C10orf90: variants seen among roughly 807,000 people sequenced by gnomAD.
The protein encoded by C10orf90 is (E2-independent) E3 ubiquitin-conjugating enzyme FATS.
C10orf90 carries 56 observed loss-of-function variants against 62.5 expected under a neutral mutation model. The observed-to-expected ratio is 0.90, with a 90% CI of 0.72 to 1.12. C10orf90 has a LOEUF of 1.12. Ranked by LOEUF, C10orf90 falls within the 50% of genes most tolerant of loss-of-function variation. The pLI, the probability that C10orf90 is intolerant of heterozygous loss-of-function variation, is 0.00. For synonymous variants in C10orf90, 386 were observed against 340.4 expected, an observed-to-expected ratio of 1.13 and a Z score of -1.47; for missense variants, 970 against 880.4, an observed-to-expected ratio of 1.10 and a Z score of -1.29.
At chr10:126,472,744 C>A (rs1252467117) in intron 4 of C10orf90, among the ~76,000 whole-genome samples, 1 of 152,186 alleles carries the variant, frequency 6.6e-6, no homozygotes, top group Non-Finnish European at 1.5e-5. Flanking sequence ...TGACCAAGGT[C>A]CCCACAGAGT....
At chr10:126,543,932 G>A (rs1040344379) in intron 2 of C10orf90, among the ~76,000 whole-genome samples, 3 of 152,132 alleles carry the variant, frequency 2.0e-5, no homozygotes, top group Admixed American at 2.0e-4. Flanking sequence ...CCAGGGTCGC[G>A]GTGACATGTC....
At chr10:126,532,795 C>T (rs951826111) in intron 2 of C10orf90, among the ~76,000 whole-genome samples, 1 of 100,184 alleles carries the variant, frequency 1.0e-5, no homozygotes, top group Admixed American at 1.4e-4. Context: ...CGAGATCGCG[C>T]CACTGCACTC....
chr10:126,659,205 C>T (rs999081209), intron 1 of C10orf90, among the ~76,000 whole-genome samples: 2 of 152,182 alleles, frequency 1.3e-5, no homozygotes, highest in African/African-American at 4.8e-5. Context: ...AAACAGGCTG[C>T]CTTGAAAACT....
At chr10:126,506,594 T>C (rs1862746406) in intron 3 of C10orf90, among the ~76,000 whole-genome samples, 1 of 152,204 alleles carries the variant, frequency 6.6e-6, no homozygotes, top group Non-Finnish European at 1.5e-5. Context: ...CCCCAGAGAT[T>C]GATTCTGTAG....
chr10:126,549,363 A>G (rs1168717169), intron 2 of C10orf90, among the ~76,000 whole-genome samples: 2 of 152,242 alleles, frequency 1.3e-5, no homozygotes, highest in Non-Finnish European at 2.9e-5. Context: ...ACATAAAGAT[A>G]CATTTCACTG....
intron 7 of C10orf90, among the ~76,000 whole-genome samples, chr10:126,455,606 G>A (rs563386487): frequency 6.6e-6 from 1 of 152,310 alleles, no homozygotes; most frequent in Non-Finnish European, 1.5e-5. Flanking sequence ...TGGCTCAGGT[G>A]GCACCCGGGT....
chr10:126,565,132 TAAATA>T (rs1844318810), intron 2 of C10orf90, among the ~76,000 whole-genome samples: 15 of 23,008 alleles, frequency 6.5e-4, no homozygotes, highest in African/African-American at 1.5e-3. Flanking sequence ...ATATATAATA[TAAATA>T]TAATATTAAA....
intron 2 of C10orf90, among the ~76,000 whole-genome samples, chr10:126,546,026 G>T (rs765794072): frequency 2.0e-5 from 3 of 152,004 alleles, no homozygotes; most frequent in African/African-American, 7.3e-5. Context: ...GAATTCCCTG[G>T]ATTTTCTTTT....
chr10:126,524,678 T>C (rs1175970295), intron 2 of C10orf90: 2 of 986,084 alleles, frequency 2.0e-6, no homozygotes, highest in South Asian at 4.7e-5. Context: ...CACTCAGCCA[T>C]GTCAGCTCCT....
intron 3 of C10orf90, among the ~76,000 whole-genome samples, chr10:126,511,449 G>A (rs10751558): frequency 0.87 from 132,845 of 152,206 alleles, 58,028 homozygotes; most frequent in Middle Eastern, 0.94. Context: ...TTGTACCACC[G>A]TCACCACTAT....
intron 4 of C10orf90, among the ~76,000 whole-genome samples, chr10:126,486,107 T>C (rs776933072): frequency 5.9e-5 from 9 of 152,188 alleles, no homozygotes; most frequent in Non-Finnish European, 1.2e-4. Context: ...CCCTTATAGT[T>C]TTGAATTTAA....
intron 2 of C10orf90, among the ~76,000 whole-genome samples, chr10:126,615,309 A>G (rs1845518309): frequency 6.6e-6 from 1 of 152,230 alleles, no homozygotes; most frequent in Non-Finnish European, 1.5e-5. Context: ...ATTGGAGGCC[A>G]CTTCTACAAA....
chr10:126,433,332 G>A (rs966800396), intron 7 of C10orf90, among the ~76,000 whole-genome samples: 1 of 152,192 alleles, frequency 6.6e-6, no homozygotes, highest in African/African-American at 2.4e-5. Flanking sequence ...GTCTGCACAT[G>A]GTGAGGGGAG....
intron 2 of C10orf90, among the ~76,000 whole-genome samples, chr10:126,584,216 A>G (rs1233767199): frequency 6.6e-6 from 1 of 152,074 alleles, no homozygotes; most frequent in Non-Finnish European, 1.5e-5. Context: ...CCATCTGTCC[A>G]TCTGTCTACT....
At chr10:126,612,097 G>T (rs1225035263) in intron 2 of C10orf90, among the ~76,000 whole-genome samples, 1 of 152,198 alleles carries the variant, frequency 6.6e-6, no homozygotes, top group Admixed American at 6.5e-5. Flanking sequence ...GCGGCGGACA[G>T]ATCACTTGAA....
chr10:126,582,039 T>A (rs776500221), intron 2 of C10orf90, among the ~76,000 whole-genome samples: 1 of 152,138 alleles, frequency 6.6e-6, no homozygotes, highest in Non-Finnish European at 1.5e-5. Flanking sequence ...TTCCTGACCA[T>A]GAGAGGAACA....
intron 3 of C10orf90, among the ~76,000 whole-genome samples, chr10:126,510,387 T>C (rs1863031242): frequency 6.6e-6 from 1 of 152,202 alleles, no homozygotes; most frequent in South Asian, 2.1e-4. Context: ...TAATTACATC[T>C]TTTACACCAA....
chr10:126,492,065 G>A (rs1017685529), intron 4 of C10orf90, among the ~76,000 whole-genome samples: 1 of 152,164 alleles, frequency 6.6e-6, no homozygotes. Context: ...ATCGGATCCT[G>A]GAACAGAAAA....
intron 2 of C10orf90, among the ~76,000 whole-genome samples, chr10:126,578,734 A>G (rs1039666310): frequency 6.6e-6 from 1 of 152,268 alleles, no homozygotes; most frequent in Non-Finnish European, 1.5e-5. Flanking sequence ...ACTAAATTGA[A>G]TGTTTGCACA....
Sources: allele counts gnomAD v4.1 joint callset (sites outside exome capture counted in the v4.1 genomes callset), GRCh38; gene constraint gnomAD v4.1.1; transcripts MANE v1.5; gene names NCBI Gene and HGNC (gene_info 2026-07-23, HGNC 2026-07-21).